Variants in PARD3 observed in about 807,000 individuals in gnomAD.
The protein encoded by PARD3 is partitioning defective 3 homolog.
In PARD3, 75 loss-of-function variants were observed where a neutral mutation model predicts 155.4. The ratio of observed to expected loss-of-function variants is 0.48; its 90% CI spans 0.40 to 0.58. The LOEUF (loss-of-function observed/expected upper bound fraction) is 0.58. Among genes scored for constraint, PARD3 ranks in the 20% least tolerant of loss-of-function variants. PARD3 has a pLI of 0.00. For missense variants in PARD3, 1,642 were observed against 1,721.7 expected (o/e 0.95, Z 0.82); for synonymous variants, 576 against 610.5 (o/e 0.94, Z 0.83).
At chr10:34,502,676 ACTAC>A (rs1249104978) in intron 3 of PARD3, among the ~76,000 whole-genome samples, 1 of 152,174 alleles carries the variant, frequency 6.6e-6, no homozygotes, top group Non-Finnish European at 1.5e-5. Context: ...TGTGGTGGTG[ACTAC>A]CTATAGTCCC....
intron 22 of PARD3, among the ~76,000 whole-genome samples, chr10:34,237,447 C>T (rs914739016): frequency 5.9e-5 from 9 of 152,276 alleles, no homozygotes; most frequent in East Asian, 1.9e-4. Context: ...TACTTCTATA[C>T]GCACTGTATA....
chr10:34,223,744 A>G lies in PARD3; in HGVS notation c.3419+45913T>C, dbSNP rs910967353. Among the ~76,000 whole-genome samples, 67 of 152,232 alleles carry G rather than the reference A, an allele frequency of 4.4e-4. 1 individual carries two copies. Among genetic ancestry groups the G allele is most frequent in the Non-Finnish European group, 8.8e-5 (6 of 68,048 alleles). ...GACAGCCATCTATTAATAACTTCTT[A>G]TGCACAAGGTAGGTCCACCCAGCCT... On this transcript the variant is annotated intron_variant, in intron 22 of 24. Coordinates refer to ENST00000374788, the MANE Select transcript of PARD3 (RefSeq NM_001184785.2).
rs868063491 is a variant in PARD3, at chr10:34,642,115, C to A, written c.222+54203G>T. Among the ~76,000 whole-genome samples, 7 of 152,014 alleles carry A rather than the reference C, an allele frequency of 4.6e-5. No individual in the cohort carries two copies. In the South Asian group the frequency reaches 1.5e-3, roughly 32 times the overall value. ...CCTGTAAGCACGGCCCCTGTCCACCCTGGGCCCATACCTGGGTACATGGGA... is the reference window on the plus strand; with the variant it reads ...CCTGTAAGCACGGCCCCTGTCCACCATGGGCCCATACCTGGGTACATGGGA... On this transcript the variant is annotated intron_variant, in intron 2 of 24. Coordinates refer to ENST00000374788, the MANE Select transcript of PARD3 (RefSeq NM_001184785.2).
At chr10:34,812,940 A>AT (rs1844388399) in intron 1 of PARD3, among the ~76,000 whole-genome samples, 2 of 152,160 alleles carry the variant, frequency 1.3e-5, no homozygotes, top group African/African-American at 4.8e-5. Flanking sequence ...CCTGCACTCT[A>AT]GCCACCCAGC....
chr10:34,578,345 T>C (rs1005955477), intron 2 of PARD3, among the ~76,000 whole-genome samples: 1 of 152,204 alleles, frequency 6.6e-6, no homozygotes, highest in Admixed American at 6.5e-5. Flanking sequence ...TATATCCTAC[T>C]GCTCAAAGTC....
At chr10:34,534,118 T>C (rs924593051) in intron 2 of PARD3, among the ~76,000 whole-genome samples, 6 of 151,582 alleles carry the variant, frequency 4.0e-5, no homozygotes, top group African/African-American at 1.5e-4. Context: ...AGGAAAAAAT[T>C]AGCCGGGCAT....
At position 34,578,221 on chromosome 10, in the gene PARD3, C is replaced by T. The variant is rs530214564; in HGVS notation, c.223-61062G>A. Among the ~76,000 whole-genome samples, 8 of 152,000 alleles carry T rather than the reference C, an allele frequency of 5.3e-5. No homozygotes were observed. The South Asian group carries it at 1.4e-3, about 28-fold the overall frequency. On this transcript the variant is annotated intron_variant, in intron 2 of 24. Coordinates refer to ENST00000374788, the MANE Select transcript of PARD3 (RefSeq NM_001184785.2). ...TTCCAACCAAAACACAGCAAAACTT[C>T]GTGCTGAAAAAAATTTTTTTAAGTT...
At chr10:34,161,853 G>C (rs972801263) in intron 22 of PARD3, among the ~76,000 whole-genome samples, 1 of 152,076 alleles carries the variant, frequency 6.6e-6, no homozygotes, top group South Asian at 2.1e-4. Context: ...CAATTCCATG[G>C]CCATCCGATT....
chr10:34,227,856 T>TTTTA lies in PARD3; in HGVS notation c.3419+41800_3419+41801insTAAA, dbSNP rs1554814033. Among the ~76,000 whole-genome samples, 6 of 82,278 alleles carry TTTTA rather than the reference T, an allele frequency of 7.3e-5. 1 individual carries two copies. The highest frequency in any genetic ancestry group is 4.7e-4 in the Admixed American group (4 of 8,472). The allele number at this position is 82,278 out of a possible 152,430, so 54.0% of individuals were successfully genotyped here. ...TATTCCCAGTAATGGGAATTATTTT[T>TTTTA]TATATATATATATATATATATATAT... is the stretch of plus-strand genomic sequence containing the variant. On this transcript the variant is annotated intron_variant, in intron 22 of 24. Transcript: ENST00000374788.
intron 22 of PARD3, among the ~76,000 whole-genome samples, chr10:34,173,617 C>T (rs1421078346): frequency 6.6e-6 from 1 of 152,174 alleles, no homozygotes; most frequent in Non-Finnish European, 1.5e-5. Context: ...ACATATACCA[C>T]ACCTGTATAT....
chr10:34,144,062 T>C (rs1948336046), intron 22 of PARD3, among the ~76,000 whole-genome samples: 1 of 152,182 alleles, frequency 6.6e-6, no homozygotes, highest in African/African-American at 2.4e-5. Context: ...AGTTAAATTA[T>C]TATATTAGGA....
chr10:34,384,292 A>G (rs1159247914), intron 7 of PARD3, 38 bp from the exon 8 acceptor site: 1 of 1,595,076 alleles, frequency 6.3e-7, no homozygotes, highest in Non-Finnish European at 8.6e-7. Context: ...CACATGTAAT[A>G]TCTCCACCAT....
At chr10:34,805,435 T>C (rs187940084) in intron 1 of PARD3, among the ~76,000 whole-genome samples, 69 of 152,014 alleles carry the variant, frequency 4.5e-4, no homozygotes, top group African/African-American at 1.5e-3. Context: ...AGTGTCTGAA[T>C]AGTTAAAAAC....
In PARD3 at chr10:34,596,988, T is replaced by G. The variant is rs2089328043; in HGVS notation, c.223-79829A>C. Reference sequence around the variant, plus strand: ...ATTTTACACCCCCGTGCCAAAGATATTCCAAGAATTTGCCTCACCAAAGAA... The same window carrying G: ...ATTTTACACCCCCGTGCCAAAGATAGTCCAAGAATTTGCCTCACCAAAGAA... On this transcript the variant is annotated intron_variant, in intron 2 of 24. Transcript: ENST00000374788. 2.0e-5 allele frequency among the ~76,000 whole-genome samples: 3 copies of G among 152,136 alleles called. No homozygotes were observed. In the South Asian group the frequency reaches 6.2e-4, roughly 32 times the overall value.
intron 2 of PARD3, among the ~76,000 whole-genome samples, chr10:34,645,143 A>G (rs1228186976): frequency 6.6e-6 from 1 of 151,900 alleles, no homozygotes; most frequent in Non-Finnish European, 1.5e-5. Context: ...ATGAGCCATC[A>G]CACCCAGCCA....
intron 1 of PARD3, among the ~76,000 whole-genome samples, chr10:34,718,317 T>C (rs1435606270): frequency 6.6e-6 from 1 of 152,078 alleles, no homozygotes; most frequent in Non-Finnish European, 1.5e-5. Context: ...GAAATGGTCA[T>C]TTATTTTCAA....
chr10:34,212,934 A>G (rs922277938), intron 22 of PARD3, among the ~76,000 whole-genome samples: 2 of 152,106 alleles, frequency 1.3e-5, no homozygotes, highest in African/African-American at 4.8e-5. Flanking sequence ...ATCTTTCTTC[A>G]TCTATTTCAC....
intron 20 of PARD3, among the ~76,000 whole-genome samples, chr10:34,292,643 T>C (rs2133976346): frequency 6.6e-6 from 1 of 152,246 alleles, no homozygotes; most frequent in East Asian, 1.9e-4. Flanking sequence ...TTTTCATCAG[T>C]GCCAATCTGA....
intron 22 of PARD3, among the ~76,000 whole-genome samples, chr10:34,172,743 A>C (rs567531883): frequency 7.0e-5 from 10 of 142,266 alleles, no homozygotes; most frequent in Admixed American, 2.0e-4. Context: ...AAAAACAAAA[A>C]AACAACAAAA....
Sources: gnomAD v4.1 joint callset for allele counts (sites outside exome capture counted in the v4.1 genomes callset) on GRCh38, gnomAD v4.1.1 for gene constraint, MANE v1.5 for transcripts, NCBI Gene and HGNC (gene_info 2026-07-23, HGNC 2026-07-21) for gene names.